TRIM26: variants seen among roughly 807,000 people sequenced by gnomAD.
TRIM26 encodes the protein tripartite motif-containing protein 26.
A neutral mutation model predicts 45.5 loss-of-function variants in TRIM26; 16 were observed. The ratio of observed to expected loss-of-function variants is 0.35; its 90% confidence interval spans 0.24 to 0.53. The LOEUF (loss-of-function observed/expected upper bound fraction) is 0.53. Among genes scored for constraint, TRIM26 ranks in the 20% least tolerant of loss-of-function variants. TRIM26 has a pLI of 0.92. For missense variants in TRIM26, 442 were observed against 691.1 expected (o/e 0.64, Z 4.04); for synonymous variants, 273 against 290.4 (o/e 0.94, Z 0.61).
Position 30,207,833 on chromosome 6 carries a change from T to C in TRIM26, c.-375-3068A>G, listed in dbSNP as rs545606826. 2.2e-4 allele frequency among the ~76,000 whole-genome samples: 34 copies of C among 152,236 alleles called. No individual in the cohort carries two copies. Among genetic ancestry groups the C allele is most frequent in the African/African-American group, 7.7e-4 (32 of 41,542 alleles). On this transcript the variant is annotated intron_variant, in intron 1 of 9. Coordinates refer to ENST00000454678, the MANE Select transcript of TRIM26 (RefSeq NM_003449.5). The surrounding 1 kb of genome is among the most constrained non-coding windows in gnomAD (Gnocchi z 4.9). ...CCTTCTGCCTAGAACACCATCCCTT[T>C]CCCACTTAGCAAATGCCTTTTCTAG...
At chr6:30,212,927 A>C (rs866152964) in intron 1 of TRIM26, among the ~76,000 whole-genome samples, 166 of 152,076 alleles carry the variant, frequency 1.1e-3, no homozygotes, top group African/African-American at 3.5e-3. Context: ...AAAAAAAAAA[A>C]AAAAAAAAGA....
In TRIM26 at chr6:30,199,796, C is replaced by G. The variant is rs137886835; in HGVS notation, c.-161-532G>C. 4.3e-3 allele frequency among the ~76,000 whole-genome samples: 659 copies of G among 152,240 alleles called. 2 individuals are homozygous for G. The highest frequency in any genetic ancestry group is 0.011 in the African/African-American group (459 of 41,554). Reference sequence around the variant, plus strand: ...GGACTACAGGCACCCACCACCACACCTGGCTAATTTTTTGTATTTTTAGTA... The same window carrying G: ...GGACTACAGGCACCCACCACCACACGTGGCTAATTTTTTGTATTTTTAGTA... On this transcript the variant is annotated intron_variant, in intron 3 of 9. Coordinates refer to ENST00000454678, the MANE Select transcript of TRIM26 (RefSeq NM_003449.5).
rs1485666913 is a variant in TRIM26 at position 30,189,106 on chromosome 6, C to A, written c.937+61G>T. ...TGGGGGAAAAGTGAGCAGTCAGAAT[C>A]TCTGCAGGCGGAGTTTTCTATATTT... On this transcript the variant is annotated intron_variant, in intron 9 of 9. Transcript: ENST00000454678. The surrounding 1 kb of genome is among the most constrained non-coding windows in gnomAD (Gnocchi z 5.0). 1.9e-6 allele frequency: 3 copies of A among 1,566,662 alleles called. No individual in the cohort carries two copies. The highest frequency in any genetic ancestry group is 1.4e-5 in the African/African-American group (1 of 73,048).
At chr6:30,210,521 T>C (rs1030073785) in intron 1 of TRIM26, among the ~76,000 whole-genome samples, 1 of 152,206 alleles carries the variant, frequency 6.6e-6, no homozygotes, top group Non-Finnish European at 1.5e-5. Context: ...ACTGTATTTC[T>C]ACAATAGCAC....
chr6:30,200,123 A>T (rs891845572), intron 3 of TRIM26, among the ~76,000 whole-genome samples: 5 of 152,132 alleles, frequency 3.3e-5, no homozygotes, highest in East Asian at 3.9e-4. Context: ...AAATTTAAAA[A>T]TTTTTTAAAA....
intron 3 of TRIM26, among the ~76,000 whole-genome samples, chr6:30,200,305 C>T (rs1777029703): frequency 6.6e-6 from 1 of 152,072 alleles, no homozygotes. Flanking sequence ...AACCAGAAAA[C>T]ATTAAAAAAC....
In TRIM26 at chr6:30,199,040, A is replaced by G; in HGVS notation, c.64T>C (p.Tyr22His). The G allele has an allele frequency of 6.2e-7, 1 of 1,605,204 alleles. No individual in the cohort carries two copies. The highest frequency in any genetic ancestry group is 8.5e-7 in the Non-Finnish European group (1 of 1,174,280). The change falls in exon 4 of 10, where the codon TAC (tyrosine) becomes CAC (histidine). Residue 22 changes from tyrosine (Y) to histidine (H), a missense_variant. By Grantham distance (83) the Tyr-to-His change is moderately conservative. Transcript: ENST00000454678. ...TCAATGGTCACAGGGTCCCGCAGGT[A>G]ATCAAGACAGATGGAGCAGGTCACC... ...EEVTCSICLD[Y>H]LRDPVTIDCG... is the part of the protein sequence containing the mutation.
intron 1 of TRIM26, among the ~76,000 whole-genome samples, chr6:30,210,512 C>T (rs1251390847): frequency 6.6e-6 from 1 of 152,186 alleles, no homozygotes; most frequent in Non-Finnish European, 1.5e-5. Context: ...TTTGCATACA[C>T]TGTATTTCTA....
At position 30,190,172 on chromosome 6, in the gene TRIM26, T is replaced by A; in HGVS notation, c.766-137A>T. On this transcript the variant is annotated intron_variant, in intron 6 of 9. Coordinates refer to ENST00000454678, the MANE Select transcript of TRIM26 (RefSeq NM_003449.5). The surrounding 1 kb of genome is among the most constrained non-coding windows in gnomAD (Gnocchi z 4.3). ...TGGTCCCTTTTTTATGGAGCTGACA[T>A]TCCAGTGGGGTCACTGCATAAAACA... The A allele has an allele frequency of 2.2e-6, 2 of 894,484 alleles. No homozygotes were observed. The highest frequency in any genetic ancestry group is 3.5e-6 in the Non-Finnish European group (2 of 567,124). The allele number at this position is 894,484 out of a possible 1,614,324, so 55.4% of individuals were successfully genotyped here. A position where few individuals can be genotyped will look rare whatever the true frequency, so the allele number is the denominator to read the frequency against.
chr6:30,186,525 C>A lies in TRIM26; in HGVS notation c.971G>T (p.Gly324Val). The A allele has an allele frequency of 2.0e-6, 3 of 1,524,040 alleles. No individual in the cohort carries two copies. Among genetic ancestry groups the A allele is most frequent in the Non-Finnish European group, 2.6e-6 (3 of 1,138,728 alleles). The allele number at this position is 1,524,040 out of a possible 1,614,324, so 94.4% of individuals were successfully genotyped here. Residue 324 changes from glycine (G) to valine (V), a missense_variant, in exon 10 of 10, where the codon GGG becomes GTG. By Grantham distance (109) the Gly-to-Val change is moderately radical (BLOSUM62 -3). Coordinates refer to ENST00000454678, the MANE Select transcript of TRIM26 (RefSeq NM_003449.5). This position sits in a 1 kb window ranked among gnomAD's most constrained non-coding sequence, Gnocchi z 7.4. ...CCAGTCCTCTGACAGCTGCAGGTAC[C>A]CACTGGCCGACTGTGGGTCCAGGGT... ...SVTLDPQSAS[G>V]YLQLSEDWKC...
chr6:30,188,729 T>G lies in TRIM26; in HGVS notation c.937+438A>C, dbSNP rs143119446. On this transcript the variant is annotated intron_variant, in intron 9 of 9. Transcript: ENST00000454678. ...ACATCTTGGTCTATGTGGATGGCGC[T>G]CCTTGGTGGTTGGTATGCAGTGTAC... 4.1e-3 allele frequency: 735 copies of G among 180,254 alleles called. 2 individuals are homozygous for G. The highest frequency in any genetic ancestry group is 0.012 in the African/African-American group (488 of 42,298). The allele number at this position is 180,254 out of a possible 1,614,324, so 11.2% of individuals were successfully genotyped here.
At position 30,186,147 on chromosome 6, in the gene TRIM26, C is replaced by A; in HGVS notation, c.1349G>T (p.Gly450Val). The part of the protein sequence containing the change: ...GVARDSVKRK[G>V]DLSLRPEDGV... Reference sequence around the variant, plus strand: ...ATCCTCTGGCCGCAGGGAGAGGTCTCCCTTCCTCTTCACAGAGTCTCTAGC... The same window carrying A: ...ATCCTCTGGCCGCAGGGAGAGGTCTACCTTCCTCTTCACAGAGTCTCTAGC... The change falls in exon 10 of 10, where the codon GGA becomes GTA. Residue 450 changes from glycine (G) to valine (V), a missense_variant. Physicochemically the swap from Gly to Val is moderately radical, Grantham distance 109. Coordinates refer to ENST00000454678, the MANE Select transcript of TRIM26 (RefSeq NM_003449.5). This position sits in a 1 kb window ranked among gnomAD's most constrained non-coding sequence, Gnocchi z 7.4. The A allele has an allele frequency of 6.3e-7, 1 of 1,594,544 alleles. No individual in the cohort carries two copies. Among genetic ancestry groups the A allele is most frequent in the East Asian group, 2.3e-5 (1 of 43,776 alleles).
intron 6 of TRIM26, among the ~76,000 whole-genome samples, chr6:30,193,039 G>T: frequency 7.0e-6 from 1 of 142,452 alleles, no homozygotes; most frequent in African/African-American, 2.6e-5. Context: ...AATACATGCT[G>T]TTTTGGTTAC....
intron 1 of TRIM26, among the ~76,000 whole-genome samples, chr6:30,208,904 A>ATCTGTGTGTGTG (rs71550189): frequency 1.5e-4 from 21 of 140,730 alleles, no homozygotes; most frequent in East Asian, 4.2e-4. Context: ...GATATAGAAT[A>ATCTGTGTGTGTG]TGTGTGTGTG....
At chr6:30,204,588 TC>T (rs1777529394) in intron 2 of TRIM26, 67 bp downstream of exon 2, 1 of 151,834 alleles carries the variant, frequency 6.6e-6, no homozygotes, top group African/African-American at 2.4e-5. Context: ...CCGCTCCCCT[TC>T]CCCATACACA....
At chr6:30,197,883 C>T (rs1312159873) in intron 5 of TRIM26, among the ~76,000 whole-genome samples, 1 of 152,138 alleles carries the variant, frequency 6.6e-6, no homozygotes, top group African/African-American at 2.4e-5. Flanking sequence ...TTCGCCGCTA[C>T]GGAACCCACA....
chr6:30,193,138 G>A lies in TRIM26; in HGVS notation c.766-3103C>T, dbSNP rs1180057416. On this transcript the variant is annotated intron_variant, in intron 6 of 9. Transcript: ENST00000454678. ...TATGTGTATATATATATACATATAT[G>A]TGTGTGTGTGTGTGTGTGTGTGTGT... Among the ~76,000 whole-genome samples the A allele has an allele frequency of 1.5e-4, 6 of 39,816 alleles. No homozygotes were observed. In the Admixed American group the frequency reaches 1.6e-3, roughly 11 times the overall value. The allele number at this position is 39,816 out of a possible 152,430, so 26.1% of individuals were successfully genotyped here. A position where few individuals can be genotyped will look rare whatever the true frequency, so the allele number is the denominator to read the frequency against.
intron 6 of TRIM26, among the ~76,000 whole-genome samples, chr6:30,191,727 A>AC (rs956164996): frequency 1.3e-5 from 2 of 152,078 alleles, no homozygotes; most frequent in South Asian, 2.1e-4. Flanking sequence ...GCACATCCCA[A>AC]CCCCCCGCTA....
intron 9 of TRIM26, chr6:30,188,302 G>T (rs925093724): frequency 1.5e-5 from 7 of 464,108 alleles, no homozygotes; most frequent in Non-Finnish European, 2.1e-5. Flanking sequence ...ATCATCTGTT[G>T]TAACACAAGC....
Sources: allele counts gnomAD v4.1 joint callset (sites outside exome capture counted in the v4.1 genomes callset), GRCh38; gene constraint gnomAD v4.1.1; non-coding constraint Gnocchi (gnomAD v3.1); transcripts MANE v1.5; gene names NCBI Gene and HGNC (gene_info 2026-07-23, HGNC 2026-07-21).